CFAP46: variants seen among roughly 807,000 people sequenced by gnomAD.
CFAP46 encodes the protein cilia and flagella associated protein 46, also known as cilia- and flagella-associated protein 46.
CFAP46 carries 245 observed loss-of-function variants against 325.7 expected under a neutral mutation model. That is an observed-to-expected ratio of 0.75 (90% CI 0.68 to 0.84). The LOEUF (loss-of-function observed/expected upper bound fraction) is 0.84, where lower values mean the gene tolerates loss of function less well. Ranked by LOEUF, CFAP46 falls within the 40% of genes least tolerant of loss-of-function variation. CFAP46 has a pLI of 0.00. For missense variants in CFAP46, 3,346 were observed against 3,543.0 expected (o/e 0.94, Z 1.41); for synonymous variants, 1,523 against 1,495.9 (o/e 1.02, Z -0.42).
At chr10:132,862,253 G>C (rs1442351577) in intron 35 of CFAP46, among the ~76,000 whole-genome samples, 1 of 152,206 alleles carries the variant, frequency 6.6e-6, no homozygotes, top group Non-Finnish European at 1.5e-5. Flanking sequence ...TGGGCCCAGA[G>C]AGAAGGGCTG....
At chr10:132,938,287 T>G (rs1398204230) in intron 5 of CFAP46, among the ~76,000 whole-genome samples, 1 of 152,202 alleles carries the variant, frequency 6.6e-6, no homozygotes, top group Non-Finnish European at 1.5e-5. Context: ...AGAACTAAGA[T>G]TGTAAAACCG....
intron 4 of CFAP46, 71 bp downstream of exon 4, chr10:132,940,925 C>G: frequency 6.9e-7 from 1 of 1,438,994 alleles, no homozygotes; most frequent in Non-Finnish European, 9.8e-7. Flanking sequence ...ATAAATACAC[C>G]CACTTGATAA....
chr10:132,822,125 TTG>T (rs1847861014), intron 50 of CFAP46, among the ~76,000 whole-genome samples: 1 of 139,340 alleles, frequency 7.2e-6, no homozygotes, highest in African/African-American at 2.8e-5. Context: ...GTGTGTGCAC[TTG>T]TGTGTGCTGT....
At chr10:132,912,470 TCTC>T (rs1352779610) in intron 19 of CFAP46, among the ~76,000 whole-genome samples, 182 bp downstream of exon 19, 1 of 130,626 alleles carries the variant, frequency 7.7e-6, no homozygotes, top group Non-Finnish European at 1.7e-5. Flanking sequence ...CACCTCTCTC[TCTC>T]TTCACATCTC....
At position 132,885,907 on chromosome 10, in the gene CFAP46, G is replaced by A. The variant is rs1171331725; in HGVS notation, c.3357C>T (p.His1119=). ...LRAALYGLLF[H]SHADQDDWEG... The stretch of plus-strand genomic sequence containing the variant: ...CCCAGTCGTCCTGGTCGGCATGGCT[G>A]TGGAAGAGCAGGCCGTAGAGCGCAG... The change falls in exon 26 of 58, where the codon CAC becomes CAT. Residue 1119 remains histidine (H), a synonymous_variant. Transcript: ENST00000368586. The A allele has an allele frequency of 6.5e-7, 1 of 1,550,214 alleles. No individual in the cohort carries two copies. The highest frequency in any genetic ancestry group is 8.7e-7 in the Non-Finnish European group (1 of 1,146,850).
At chr10:132,824,698 GCTGATGTGTGCTGTGTGTGTA>G (rs61728587) in intron 50 of CFAP46, among the ~76,000 whole-genome samples, 1,498 of 47,120 alleles carry the variant, frequency 0.032, 3 homozygotes, top group Admixed American at 0.049. Context: ...CTGTGTGTGC[GCTGATGTGTGCTGTGTGTGTA>G]CTGATGTGTG....
At chr10:132,811,844 T>C (rs1033362714) in intron 55 of CFAP46, among the ~76,000 whole-genome samples, 3 of 152,212 alleles carry the variant, frequency 2.0e-5, no homozygotes, top group Non-Finnish European at 4.4e-5. Flanking sequence ...CCCACCCAAG[T>C]GCAGGCCCTG....
intron 55 of CFAP46, among the ~76,000 whole-genome samples, chr10:132,812,089 C>T (rs766977814): frequency 3.2e-4 from 49 of 152,208 alleles, no homozygotes; most frequent in African/African-American, 2.7e-4. Flanking sequence ...GGGGTGGCCT[C>T]GGCACAAGGC....
At chr10:132,864,961 C>T (rs7477937) in intron 35 of CFAP46, among the ~76,000 whole-genome samples, 14,613 of 150,896 alleles carry the variant, frequency 0.097, 1,907 homozygotes, top group African/African-American at 0.3. Flanking sequence ...ACATACCTGT[C>T]CTCAGTGCCA....
intron 25 of CFAP46, among the ~76,000 whole-genome samples, chr10:132,888,058 C>T (rs1849192891): frequency 8.1e-6 from 1 of 123,296 alleles, no homozygotes; most frequent in African/African-American, 5.1e-5. Flanking sequence ...CTCCCCTCCT[C>T]TCTCTCTCCT....
intron 25 of CFAP46, among the ~76,000 whole-genome samples, chr10:132,887,911 T>C (rs1390741415): frequency 9.8e-5 from 5 of 51,044 alleles, no homozygotes; most frequent in South Asian, 1.0e-3. Flanking sequence ...CTCCTCTCCC[T>C]TCTTCTCTCT....
chr10:132,809,028 C>G, intron 57 of CFAP46, 124 bp from the exon 58 acceptor site: 2 of 1,009,714 alleles, frequency 2.0e-6, no homozygotes, highest in Non-Finnish European at 2.8e-6. Flanking sequence ...GGGGAACACA[C>G]TGCCATTCGC....
chr10:132,921,973 G>T, intron 13 of CFAP46, 131 bp downstream of exon 13: 1 of 1,182,610 alleles, frequency 8.5e-7, no homozygotes, highest in Non-Finnish European at 1.2e-6. Flanking sequence ...GAAGGACACT[G>T]CCGGTGCAAG....
chr10:132,927,168 AG>A (rs1312623296), intron 9 of CFAP46, among the ~76,000 whole-genome samples: 1 of 152,094 alleles, frequency 6.6e-6, no homozygotes, highest in Non-Finnish European at 1.5e-5. Flanking sequence ...ACCCCGCTCG[AG>A]GGGTGACACC....
Position 132,832,542 on chromosome 10 carries a change from G to A in CFAP46, c.7117+816C>T, listed in dbSNP as rs758583106. The A allele has an allele frequency of 3.0e-6, 1 of 332,066 alleles. No homozygotes were observed. The highest frequency in any genetic ancestry group is 6.0e-6 in the Non-Finnish European group (1 of 165,344). 20.6% of individuals were successfully genotyped at this position (332,066 alleles called of 1,614,324 possible). On this transcript the variant is annotated intron_variant, in intron 50 of 57. Coordinates refer to ENST00000368586, the MANE Select transcript of CFAP46 (RefSeq NM_001200049.3). The surrounding 1 kb of genome is among the most constrained non-coding windows in gnomAD (Gnocchi z 4.1). Reference sequence around the variant, plus strand: ...ACCCTCATTTCATGTGCTTTTCTCTGGTTTTTATTTGTCTCAGCTGGAAGA... The same window carrying A: ...ACCCTCATTTCATGTGCTTTTCTCTAGTTTTTATTTGTCTCAGCTGGAAGA...
At chr10:132,885,416 C>G in intron 26 of CFAP46, 130 bp from the exon 27 acceptor site, 2 of 656,310 alleles carry the variant, frequency 3.0e-6, no homozygotes, top group South Asian at 2.3e-5. Flanking sequence ...CCCAGGTGAG[C>G]GGGGGTCTCG....
chr10:132,852,863 G>A (rs1384704809), intron 39 of CFAP46, among the ~76,000 whole-genome samples: 5 of 152,144 alleles, frequency 3.3e-5, no homozygotes, highest in Non-Finnish European at 7.3e-5. Flanking sequence ...ATTATTTCTA[G>A]CATGTAGAAA....
Position 132,808,504 on chromosome 10 carries a change from T to C in CFAP46, c.8065A>G (p.Lys2689Glu), listed in dbSNP as rs1174071880. ...AGCGCCGCCAAGGGGAGGCCGCCCTTGTCCTGGCCCCGGGAAGAGACGCAG... is the reference window on the plus strand; with the variant it reads ...AGCGCCGCCAAGGGGAGGCCGCCCTCGTCCTGGCCCCGGGAAGAGACGCAG... The part of the protein sequence containing the change: ...WSCVSSRGQD[K>E]GGLPLAALVL... Residue 2689 changes from lysine to glutamate, a missense_variant, in exon 58 of 58, where the codon AAG (lysine) becomes GAG (glutamate). Coordinates refer to ENST00000368586, the MANE Select transcript of CFAP46 (RefSeq NM_001200049.3). The surrounding 1 kb of genome is among the most constrained non-coding windows in gnomAD (Gnocchi z 6.8). The C allele has an allele frequency of 1.9e-6, 3 of 1,613,064 alleles. No homozygotes were observed. The highest frequency in any genetic ancestry group is 1.3e-5 in the African/African-American group (1 of 74,922).
chr10:132,839,652 T>C (rs536034539), intron 44 of CFAP46, among the ~76,000 whole-genome samples: 225 of 152,370 alleles, frequency 1.5e-3, no homozygotes, highest in Non-Finnish European at 2.4e-3. Flanking sequence ...TAGGGCTGTA[T>C]AGATATTCTT....
Sources: allele counts gnomAD v4.1 joint callset (sites outside exome capture counted in the v4.1 genomes callset), GRCh38; gene constraint gnomAD v4.1.1; non-coding constraint Gnocchi (gnomAD v3.1); transcripts MANE v1.5; gene names NCBI Gene and HGNC (gene_info 2026-07-23, HGNC 2026-07-21).